The following MMP24 variants were observed in gnomAD, a reference collection of about 807,000 sequenced individuals.
MMP24 encodes the protein matrix metalloproteinase-24.
A neutral mutation model predicts 62.8 loss-of-function variants in MMP24; 25 were observed. The ratio of observed to expected loss-of-function variants is 0.40; its 90% CI spans 0.29 to 0.56. The LOEUF (loss-of-function observed/expected upper bound fraction) is 0.56, where lower values mean the gene tolerates loss of function less well. Ranked by LOEUF, MMP24 falls within the 20% of genes least tolerant of loss-of-function variation. The pLI is 0.50. For synonymous variants in MMP24, 319 were observed against 350.5 expected (o/e 0.91, Z 1.00); for missense variants, 634 against 853.6 (o/e 0.74, Z 3.21).
At chr20:35,258,543 A>C (rs1248366846) in intron 4 of MMP24, among the ~76,000 whole-genome samples, 1 of 152,208 alleles carries the variant, frequency 6.6e-6, no homozygotes, top group Non-Finnish European at 1.5e-5. Flanking sequence ...GCGTGACTAG[A>C]ATCAAGTTTA....
At chr20:35,272,144 A>G (rs1330412858) in intron 8 of MMP24, 2 of 450,650 alleles carry the variant, frequency 4.4e-6, no homozygotes, top group Admixed American at 3.8e-5. Flanking sequence ...GAGTTACCCA[A>G]TCTGAAAAGC....
chr20:35,236,755 C>T (rs1206026859), intron 1 of MMP24, among the ~76,000 whole-genome samples: 2 of 152,104 alleles, frequency 1.3e-5, no homozygotes, highest in Admixed American at 1.3e-4. Context: ...GAGTGGACCA[C>T]CTAAGATCAG....
At position 35,260,146 on chromosome 20, in the gene MMP24, TCTC is replaced by T. The variant is rs112454467; in HGVS notation, c.818-3638_818-3636del. Among the ~76,000 whole-genome samples the T allele has an allele frequency of 8.1e-3, 1,240 of 152,168 alleles. 15 individuals carry two copies. The highest frequency in any genetic ancestry group is 0.028 in the African/African-American group (1,154 of 41,510). Reference sequence around the variant, plus strand: ...GAGCATGGGGTCCTCATAGCAGGCCTCTCCTCCTCATACCTCTGCCTTCACCTC... The same window carrying T: ...GAGCATGGGGTCCTCATAGCAGGCCTCTCCTCATACCTCTGCCTTCACCTC... On this transcript the variant is annotated intron_variant, in intron 4 of 8. Transcript: ENST00000246186.
At chr20:35,266,884 A>C (rs2060638219) in intron 5 of MMP24, among the ~76,000 whole-genome samples, 1 of 151,974 alleles carries the variant, frequency 6.6e-6, no homozygotes, top group African/African-American at 2.4e-5. Context: ...GAAGGGGGTG[A>C]GGAAGTGGGG....
At chr20:35,238,942 A>G (rs1340235935) in intron 1 of MMP24, among the ~76,000 whole-genome samples, 1 of 152,118 alleles carries the variant, frequency 6.6e-6, no homozygotes, top group Non-Finnish European at 1.5e-5. Flanking sequence ...TCTGTCGCCC[A>G]CAGCCCACTG....
chr20:35,230,728 G>T (rs554061750), intron 1 of MMP24, among the ~76,000 whole-genome samples: 1 of 152,280 alleles, frequency 6.6e-6, no homozygotes, highest in East Asian at 1.9e-4. Flanking sequence ...ACCTACTACA[G>T]CACTTACTAG....
intron 3 of MMP24, among the ~76,000 whole-genome samples, chr20:35,253,270 C>CTTTTTTTTTTATTTTTTTTTTTTT (rs2060557275): frequency 1.3e-5 from 1 of 79,078 alleles, no homozygotes; most frequent in African/African-American, 5.8e-5. Context: ...CAGAACGGGA[C>CTTTTTTTTTTATTTTTTTTTTTTT]TTTTTTTTTT....
Position 35,267,423 on chromosome 20 carries a change from G to A in MMP24, c.1194+4G>A, listed in dbSNP as rs1372116747. Reference sequence around the variant, plus strand: ...GGGCGAGATGTTTGTCTTTAAGGTAGGGCCAATGGATTGGCACCACCCAGC... The same window carrying A: ...GGGCGAGATGTTTGTCTTTAAGGTAAGGCCAATGGATTGGCACCACCCAGC... On this transcript the variant is annotated splice_donor_region_variant and intron_variant, in intron 6 of 8. Transcript: ENST00000246186. 6.4e-7 allele frequency: 1 copy of A among 1,553,068 alleles called. No individual in the cohort carries two copies. Among genetic ancestry groups the A allele is most frequent in the Admixed American group, 2.0e-5 (1 of 51,118 alleles).
chr20:35,263,510 T>G, intron 4 of MMP24: 1 of 266,332 alleles, frequency 3.8e-6, no homozygotes, highest in Non-Finnish European at 7.1e-6. Context: ...TCCTCCAGGT[T>G]TAAATGACCC....
At chr20:35,257,217 G>C (rs2060579413) in intron 4 of MMP24, among the ~76,000 whole-genome samples, 1 of 152,170 alleles carries the variant, frequency 6.6e-6, no homozygotes, top group South Asian at 2.1e-4. Flanking sequence ...CCAAGGCTCA[G>C]CCTAGGCAAA....
intron 1 of MMP24, among the ~76,000 whole-genome samples, chr20:35,231,792 C>T (rs2060438838): frequency 6.6e-6 from 1 of 152,190 alleles, no homozygotes; most frequent in South Asian, 2.1e-4. Flanking sequence ...TGGCTCACAC[C>T]TGTAATCCCA....
At chr20:35,239,793 C>G (rs2060480574) in intron 1 of MMP24, among the ~76,000 whole-genome samples, 1 of 151,974 alleles carries the variant, frequency 6.6e-6, no homozygotes. Flanking sequence ...AGAGCGAGAC[C>G]CTGTCTCAAA....
At chr20:35,273,229 A>C (rs1159974937) in intron 8 of MMP24, among the ~76,000 whole-genome samples, 2 of 146,062 alleles carry the variant, frequency 1.4e-5, no homozygotes, top group Non-Finnish European at 3.0e-5. Flanking sequence ...TCATCTCTAC[A>C]AAAAAAAAAT....
chr20:35,253,868 GTTTTTT>G (rs11474068), intron 3 of MMP24, among the ~76,000 whole-genome samples: 3 of 130,090 alleles, frequency 2.3e-5, no homozygotes, highest in South Asian at 2.4e-4. Flanking sequence ...TTTCCTTTGG[GTTTTTT>G]TTTTTTTTTT....
chr20:35,233,435 T>C (rs1002241682), intron 1 of MMP24, among the ~76,000 whole-genome samples: 27 of 152,112 alleles, frequency 1.8e-4, no homozygotes, highest in Admixed American at 1.6e-3. Flanking sequence ...ATCAGTCCAC[T>C]CAGGAGTCAG....
chr20:35,270,792 C>T (rs964448783), intron 7 of MMP24, among the ~76,000 whole-genome samples: 1 of 152,206 alleles, frequency 6.6e-6, no homozygotes, highest in African/African-American at 2.4e-5. Flanking sequence ...GAAATCCCAG[C>T]ACTTTGGGAG....
intron 2 of MMP24, among the ~76,000 whole-genome samples, chr20:35,251,668 C>T (rs116432177): frequency 6.5e-4 from 99 of 152,266 alleles, no homozygotes; most frequent in African/African-American, 2.4e-3. Flanking sequence ...TTATCAAGCC[C>T]ATATATTCTG....
chr20:35,234,850 T>C (rs1339318326), intron 1 of MMP24, among the ~76,000 whole-genome samples: 2 of 151,868 alleles, frequency 1.3e-5, no homozygotes, highest in East Asian at 1.9e-4. Context: ...GAGGTCATAG[T>C]GAGCTATGAT....
intron 1 of MMP24, 131 bp from the exon 2 acceptor site, chr20:35,246,709 A>G: frequency 1.9e-6 from 2 of 1,067,646 alleles, no homozygotes; most frequent in Non-Finnish European, 2.8e-6. Flanking sequence ...GGGTGAAGGA[A>G]AAAGAACTCA....
Sources: allele counts gnomAD v4.1 joint callset (sites outside exome capture counted in the v4.1 genomes callset), GRCh38; gene constraint gnomAD v4.1.1; transcripts MANE v1.5; gene names NCBI Gene and HGNC (gene_info 2026-07-23, HGNC 2026-07-21).